Variants in SCN11A observed in about 807,000 individuals in gnomAD.
SCN11A encodes sodium voltage-gated channel alpha subunit 11.
SCN11A carries 122 observed loss-of-function variants against 162.2 expected under a neutral mutation model. That is an observed-to-expected ratio of 0.75 (90% CI 0.65 to 0.87). The LOEUF is 0.87. Ranked by LOEUF, SCN11A falls within the 40% of genes least tolerant of loss-of-function variation. The pLI is 0.00. For missense variants in SCN11A, 2,015 were observed against 2,181.6 expected (o/e 0.92, Z 1.52); for synonymous variants, 758 against 751.5 (o/e 1.01, Z -0.14).
intron 3 of SCN11A, among the ~76,000 whole-genome samples, chr3:38,955,951 C>T (rs369199904): frequency 2.0e-5 from 3 of 152,148 alleles, no homozygotes; most frequent in Admixed American, 6.5e-5. Context: ...CAAACCTGCA[C>T]GTTCGGCACA....
At chr3:38,937,652 G>C (rs1379077099) in intron 7 of SCN11A, among the ~76,000 whole-genome samples, 1 of 151,820 alleles carries the variant, frequency 6.6e-6, no homozygotes. Context: ...TCAGAGAAAT[G>C]CAAATCAAAA....
chr3:38,908,687 G>T (rs2065839078), intron 13 of SCN11A, among the ~76,000 whole-genome samples: 1 of 152,088 alleles, frequency 6.6e-6, no homozygotes, highest in Non-Finnish European at 1.5e-5. Context: ...GCACAGCCTG[G>T]ATTTACATAT....
chr3:38,961,851 T>A (rs1306510822), intron 2 of SCN11A, among the ~76,000 whole-genome samples: 1 of 152,258 alleles, frequency 6.6e-6, no homozygotes, highest in Non-Finnish European at 1.5e-5. Context: ...TTTACTCTGC[T>A]GAAAAGCTCT....
intron 11 of SCN11A, among the ~76,000 whole-genome samples, chr3:38,914,670 T>C (rs2065934196): frequency 6.6e-6 from 1 of 152,200 alleles, no homozygotes; most frequent in East Asian, 1.9e-4. Context: ...CTTCAATATC[T>C]AGTGTATTGA....
intron 27 of SCN11A, among the ~76,000 whole-genome samples, chr3:38,863,856 T>C (rs539767854): frequency 6.6e-6 from 1 of 152,238 alleles, no homozygotes; most frequent in Non-Finnish European, 1.5e-5. Context: ...TTAGAAAGGC[T>C]AGATAAACTA....
At chr3:38,979,549 C>T (rs1008293917) in intron 2 of SCN11A, among the ~76,000 whole-genome samples, 10 of 152,202 alleles carry the variant, frequency 6.6e-5, no homozygotes, top group African/African-American at 1.2e-4. Flanking sequence ...TAGGCAGGGG[C>T]TTCCATATGG....
intron 11 of SCN11A, among the ~76,000 whole-genome samples, chr3:38,912,505 G>A (rs867478928): frequency 2.0e-5 from 3 of 151,838 alleles, no homozygotes; most frequent in East Asian, 1.9e-4. Flanking sequence ...AGGTTCTGGC[G>A]TACATGTGCA....
At chr3:39,022,758 G>A (rs953777977) in intron 2 of SCN11A, among the ~76,000 whole-genome samples, 3 of 152,072 alleles carry the variant, frequency 2.0e-5, no homozygotes, top group Admixed American at 1.3e-4. Context: ...GTGCATGCCT[G>A]TAGTCCCAGC....
In SCN11A at chr3:38,918,769, C is replaced by A. The variant is rs145504951; in HGVS notation, c.959+1166G>T. 3.3e-3 allele frequency among the ~76,000 whole-genome samples: 504 copies of A among 152,256 alleles called. 5 individuals are homozygous for A. Among genetic ancestry groups the A allele is most frequent in the South Asian group, 0.014 (68 of 4,818 alleles). ...TGTCTTGCAAATGGAATGAGAGAAGCCTTCCCTAATTCTCCAGACAAGGTC... is the reference window on the plus strand; with the variant it reads ...TGTCTTGCAAATGGAATGAGAGAAGACTTCCCTAATTCTCCAGACAAGGTC... On this transcript the variant is annotated intron_variant, in intron 11 of 29. Transcript: ENST00000302328.
intron 2 of SCN11A, among the ~76,000 whole-genome samples, chr3:38,988,952 T>C (rs1193044382): frequency 1.3e-5 from 2 of 152,114 alleles, no homozygotes; most frequent in East Asian, 3.9e-4. Context: ...TTAAAAACAA[T>C]GGCTGCATAT....
intron 3 of SCN11A, among the ~76,000 whole-genome samples, chr3:38,955,087 G>A (rs2066665645): frequency 6.6e-6 from 1 of 152,186 alleles, no homozygotes; most frequent in Non-Finnish European, 1.5e-5. Context: ...CCAGGGGTTT[G>A]AGACCAGCCT....
In SCN11A at chr3:38,876,903, C is replaced by T. The variant is rs143146706; in HGVS notation, c.3393+3047G>A. Reference sequence around the variant, plus strand: ...TATATGAAAAAGACACTTGCACACACGTTTATAGCAGCACAATTCGCAATT... The same window carrying T: ...TATATGAAAAAGACACTTGCACACATGTTTATAGCAGCACAATTCGCAATT... On this transcript the variant is annotated intron_variant, in intron 23 of 29. Transcript: ENST00000302328. Among the ~76,000 whole-genome samples, 798 of 151,630 alleles carry T rather than the reference C, an allele frequency of 5.3e-3. 5 individuals carry two copies. The highest frequency in any genetic ancestry group is 0.018 in the African/African-American group (761 of 41,352).
At chr3:39,051,317 C>A (rs536342371) in intron 1 of SCN11A, among the ~76,000 whole-genome samples, 1 of 152,044 alleles carries the variant, frequency 6.6e-6, no homozygotes, top group Non-Finnish European at 1.5e-5. Flanking sequence ...TGTTGTCCCC[C>A]TCTTTTGTGT....
In SCN11A at chr3:38,910,171, T is replaced by G; in HGVS notation, c.996A>C (p.Lys332Asn). The G allele has an allele frequency of 6.2e-7, 1 of 1,613,628 alleles. No homozygotes were observed. The highest frequency in any genetic ancestry group is 8.5e-7 in the Non-Finnish European group (1 of 1,179,680). The change falls in exon 12 of 30, where the codon AAA becomes AAC. Residue 332 changes from lysine (K) to asparagine (N), a missense_variant. Transcript: ENST00000302328. ...CSIQYECKHT[K>N]INPDYNYTNF... ...TCGTATAATTATAGTCAGGATTAATTTTGGTGTGCTTACATTCATATTGTA... is the reference window on the plus strand; with the variant it reads ...TCGTATAATTATAGTCAGGATTAATGTTGGTGTGCTTACATTCATATTGTA...
intron 7 of SCN11A, among the ~76,000 whole-genome samples, chr3:38,933,293 T>C (rs1281185478): frequency 4.6e-5 from 7 of 152,042 alleles, no homozygotes; most frequent in South Asian, 2.1e-4. Flanking sequence ...GCAGAAAAAC[T>C]GGAAACTCTA....
chr3:38,857,380 ATAGAC>A (rs1181874147), intron 28 of SCN11A, among the ~76,000 whole-genome samples: 1 of 152,128 alleles, frequency 6.6e-6, no homozygotes, highest in Non-Finnish European at 1.5e-5. Flanking sequence ...AGTTTCAACA[ATAGAC>A]TAGGACAAGT....
intron 29 of SCN11A, chr3:38,849,973 A>G (rs991318938): frequency 1.3e-5 from 2 of 153,782 alleles, no homozygotes; most frequent in Non-Finnish European, 2.9e-5. Flanking sequence ...TGAAAGCCCA[A>G]TCTAGAGTGG....
At chr3:39,011,367 T>C (rs950591601) in intron 2 of SCN11A, among the ~76,000 whole-genome samples, 1 of 152,190 alleles carries the variant, frequency 6.6e-6, no homozygotes, top group African/African-American at 2.4e-5. Context: ...GCCTAAAAAC[T>C]TGGGGTCAGC....
In SCN11A at chr3:38,883,360, C is replaced by T; in HGVS notation, c.3092G>A (p.Ser1031Asn). Residue 1031 changes from serine (S) to asparagine (N), a missense_variant, in exon 22 of 30, where the codon AGC (serine) becomes AAC (asparagine). Coordinates refer to ENST00000302328, the MANE Select transcript of SCN11A (RefSeq NM_001349253.2). Reference protein sequence around the residue: ...KGFGCCFPCCSVDKRKPPWVI... With the variant: ...KGFGCCFPCCNVDKRKPPWVI... ...CCAGGGAGGCTTTCTCTTGTCCACGCTACAGCATGGAAAGCAGCAACCAAA... is the reference window on the plus strand; with the variant it reads ...CCAGGGAGGCTTTCTCTTGTCCACGTTACAGCATGGAAAGCAGCAACCAAA... 7 of 1,613,720 alleles carry T rather than the reference C, an allele frequency of 4.3e-6. No individual in the cohort carries two copies. The highest frequency in any genetic ancestry group is 5.9e-6 in the Non-Finnish European group (7 of 1,179,820).
Sources: allele counts gnomAD v4.1 joint callset (sites outside exome capture counted in the v4.1 genomes callset), GRCh38; gene constraint gnomAD v4.1.1; transcripts MANE v1.5; gene names NCBI Gene and HGNC (gene_info 2026-07-23, HGNC 2026-07-21).